Variants in CNTNAP2 observed in about 807,000 individuals in gnomAD.
The protein encoded by CNTNAP2 is contactin associated protein 2.
In CNTNAP2, 98 loss-of-function variants were observed where a neutral mutation model predicts 155.2. The observed-to-expected ratio is 0.63, with a 90% CI of 0.54 to 0.75. The LOEUF (loss-of-function observed/expected upper bound fraction) is 0.75, where lower values mean the gene tolerates loss of function less well. CNTNAP2 is among the 30% of genes least tolerant of loss of function. CNTNAP2 has a pLI of 0.00. For synonymous variants in CNTNAP2, 651 were observed against 631.2 expected (o/e 1.03, Z -0.47); for missense variants, 1,727 against 1,688.1 (o/e 1.02, Z -0.40).
Position 147,518,766 on chromosome 7 carries a change from C to T in CNTNAP2, c.1777+32725C>T, listed in dbSNP as rs186300317. 1.1e-3 allele frequency among the ~76,000 whole-genome samples: 163 copies of T among 152,232 alleles called. 2 individuals are homozygous for T. The East Asian group carries it at 0.025, about 24-fold the overall frequency. Reference sequence around the variant, plus strand: ...AAAATTATGGCTGGGCGTGGTGGCTCACGCCTGTAATCCCAGCACTTTGGG... The same window carrying T: ...AAAATTATGGCTGGGCGTGGTGGCTTACGCCTGTAATCCCAGCACTTTGGG... On this transcript the variant is annotated intron_variant, in intron 11 of 23. Coordinates refer to ENST00000361727, the MANE Select transcript of CNTNAP2 (RefSeq NM_014141.6).
chr7:147,627,143 C>G (rs1794995505), intron 12 of CNTNAP2, among the ~76,000 whole-genome samples: 1 of 152,166 alleles, frequency 6.6e-6, no homozygotes. Context: ...AGGGATCACC[C>G]TGTGGGACAA....
chr7:147,527,623 T>C (rs989804970), intron 11 of CNTNAP2, among the ~76,000 whole-genome samples: 5 of 152,216 alleles, frequency 3.3e-5, no homozygotes, highest in Non-Finnish European at 7.3e-5. Flanking sequence ...GTAGCCACAT[T>C]ACATAGCAGA....
chr7:146,633,313 A>T (rs1223844791), intron 1 of CNTNAP2, among the ~76,000 whole-genome samples: 2 of 152,220 alleles, frequency 1.3e-5, no homozygotes, highest in Admixed American at 6.5e-5. Flanking sequence ...TTTCACCATT[A>T]TTCCATTTAA....
In CNTNAP2 at chr7:148,416,531, A is replaced by C. The variant is rs1379008106; in HGVS notation, c.*915A>C. The C allele has an allele frequency of 1.3e-5, 2 of 152,326 alleles. No homozygotes were observed. Among genetic ancestry groups the C allele is most frequent in the African/African-American group, 4.8e-5 (2 of 41,372 alleles). The allele number at this position is 152,326 out of a possible 1,614,324, so 9.4% of individuals were successfully genotyped here. The stretch of plus-strand genomic sequence containing the variant: ...ATGATTTGTTTGCTCTTTTTCTTTT[A>C]TAGTTTAGTTATAGCAAAAATATGG... On this transcript the variant is annotated 3_prime_UTR_variant, in exon 24 of 24. Coordinates refer to ENST00000361727, the MANE Select transcript of CNTNAP2 (RefSeq NM_014141.6).
At chr7:147,325,012 T>C (rs1368091583) in intron 9 of CNTNAP2, among the ~76,000 whole-genome samples, 3 of 151,998 alleles carry the variant, frequency 2.0e-5, no homozygotes, top group African/African-American at 7.3e-5. Flanking sequence ...TTTAGGAAAA[T>C]AAATGTATAG....
rs369719126 is a variant in CNTNAP2 at position 148,364,155 on chromosome 7, C to T, written c.3476-19494C>T. ...ACGAGCGCCACCCCCTGCTCCACAG[C>T]GCCCAGTCCCATCGACCACCCAAGG... On this transcript the variant is annotated intron_variant, in intron 21 of 23. Transcript: ENST00000361727. Among the ~76,000 whole-genome samples the T allele has an allele frequency of 1.8e-4, 28 of 152,348 alleles. No individual in the cohort carries two copies. The East Asian group carries it at 2.9e-3, about 16-fold the overall frequency.
At chr7:147,529,315 A>T (rs753308706) in intron 11 of CNTNAP2, among the ~76,000 whole-genome samples, 3 of 152,220 alleles carry the variant, frequency 2.0e-5, no homozygotes, top group Non-Finnish European at 4.4e-5. Context: ...AGTGAACTCC[A>T]CCATAAAAAG....
chr7:148,123,631 A>AGAAGGAAGGAAGGAAG (rs1416737483), intron 16 of CNTNAP2, among the ~76,000 whole-genome samples: 2 of 95,364 alleles, frequency 2.1e-5, no homozygotes, highest in African/African-American at 8.7e-5. Flanking sequence ...AGGAAGGGAG[A>AGAAGGAAGGAAGGAAG]GCAGGAAGGA....
intron 2 of CNTNAP2, among the ~76,000 whole-genome samples, chr7:146,804,203 T>C (rs1250001367): frequency 6.6e-6 from 1 of 152,196 alleles, no homozygotes; most frequent in Non-Finnish European, 1.5e-5. Context: ...AAAGAGATAC[T>C]GTAATCATAT....
chr7:147,254,148 A>G (rs1203386141), intron 8 of CNTNAP2, among the ~76,000 whole-genome samples: 1 of 152,154 alleles, frequency 6.6e-6, no homozygotes, highest in Non-Finnish European at 1.5e-5. Flanking sequence ...AAAATGAAAG[A>G]TACCAGTCAG....
At chr7:148,289,574 C>T (rs1036618114) in intron 21 of CNTNAP2, among the ~76,000 whole-genome samples, 11 of 68,470 alleles carry the variant, frequency 1.6e-4, no homozygotes, top group African/African-American at 7.2e-4. Flanking sequence ...TACACACACA[C>T]TCACACTCAC....
chr7:146,361,290 A>C (rs1053365402), intron 1 of CNTNAP2, among the ~76,000 whole-genome samples: 2 of 152,122 alleles, frequency 1.3e-5, no homozygotes, highest in East Asian at 3.9e-4. Flanking sequence ...CAGAGGGCAT[A>C]CTTTTTGTAA....
At chr7:146,511,689 G>C (rs1415625250) in intron 1 of CNTNAP2, among the ~76,000 whole-genome samples, 3 of 152,088 alleles carry the variant, frequency 2.0e-5, no homozygotes, top group Non-Finnish European at 2.9e-5. Context: ...CTAGTATTTT[G>C]TTGAGAATTT....
At chr7:147,577,614 C>T (rs920678271) in intron 12 of CNTNAP2, among the ~76,000 whole-genome samples, 1 of 151,842 alleles carries the variant, frequency 6.6e-6, no homozygotes, top group East Asian at 1.9e-4. Flanking sequence ...GCTGAAATGG[C>T]AAGCCACTAT....
intron 1 of CNTNAP2, among the ~76,000 whole-genome samples, chr7:146,720,968 T>C (rs1801281046): frequency 8.1e-6 from 1 of 123,722 alleles, no homozygotes; most frequent in Admixed American, 7.7e-5. Context: ...ATATACAGTA[T>C]ATATATAGAC....
intron 17 of CNTNAP2, 79 bp from the exon 18 acceptor site, chr7:148,172,163 C>A: frequency 7.2e-7 from 1 of 1,388,398 alleles, no homozygotes; most frequent in Non-Finnish European, 1.0e-6. Flanking sequence ...CATCTCCTAC[C>A]ACAGTTGTTC....
At chr7:146,765,044 A>C (rs1802170956) in intron 1 of CNTNAP2, among the ~76,000 whole-genome samples, 1 of 152,148 alleles carries the variant, frequency 6.6e-6, no homozygotes, top group Admixed American at 6.5e-5. Context: ...TGATCATAAT[A>C]GATTTTCAAT....
chr7:147,729,766 A>G (rs887250206), intron 13 of CNTNAP2, among the ~76,000 whole-genome samples: 1 of 152,048 alleles, frequency 6.6e-6, no homozygotes, highest in Non-Finnish European at 1.5e-5. Context: ...AAAACCACTG[A>G]ATGTTTTTAA....
At chr7:146,958,857 T>C (rs77190506) in intron 3 of CNTNAP2, among the ~76,000 whole-genome samples, 2,067 of 152,252 alleles carry the variant, frequency 0.014, 82 homozygotes, top group Admixed American at 0.082. Flanking sequence ...CTCTTCATTA[T>C]GATTCTTAAT....
Sources: gnomAD v4.1 joint callset for allele counts (sites outside exome capture counted in the v4.1 genomes callset) on GRCh38, gnomAD v4.1.1 for gene constraint, MANE v1.5 for transcripts, NCBI Gene and HGNC (gene_info 2026-07-23, HGNC 2026-07-21) for gene names.